INTS3: variants seen among roughly 807,000 people sequenced by gnomAD.
INTS3 encodes the protein integrator complex subunit 3, also known as SOSS complex subunit A.
In INTS3, 34 loss-of-function variants were observed where a neutral mutation model predicts 146.3. That is an observed-to-expected ratio of 0.23 (90% CI 0.18 to 0.31). The LOEUF is 0.31. INTS3 is among the 10% of genes least tolerant of loss of function. The pLI is 1.00. For missense variants in INTS3, 757 were observed against 1,304.2 expected, an observed-to-expected ratio of 0.58 and a Z score of 6.46; for synonymous variants, 475 against 494.9, an observed-to-expected ratio of 0.96 and a Z score of 0.53.
intron 9 of INTS3, among the ~76,000 whole-genome samples, chr1:153,756,501 A>G (rs1009735673): frequency 5.9e-5 from 9 of 151,440 alleles, no homozygotes; most frequent in Middle Eastern, 3.5e-3. Context: ...CCTCCCATCA[A>G]TGAGACCCTG....
At chr1:153,728,859 G>C in intron 1 of INTS3, 75 bp downstream of exon 1, 1 of 463,066 alleles carries the variant, frequency 2.2e-6, no homozygotes, top group South Asian at 2.3e-5. Context: ...CGGGTGGGAG[G>C]ACGGGGGGTG....
In INTS3 at chr1:153,754,745, C is replaced by T. The variant is rs1672097393; in HGVS notation, c.957+6C>T. ...TCCTCTTCATGACATCCCGGGTAAG[C>T]TAAGGTGTTGCAGCAAGAGAAGAGG... On this transcript the variant is annotated splice_donor_region_variant and intron_variant, in intron 9 of 29. Transcript: ENST00000318967. The T allele has an allele frequency of 1.3e-6, 2 of 1,580,326 alleles. No homozygotes were observed. Among genetic ancestry groups the T allele is most frequent in the Non-Finnish European group, 1.7e-6 (2 of 1,149,254 alleles).
rs4509612 is a variant in INTS3, at chr1:153,743,759, C to T, written c.318+2391C>T. 7.3e-3 allele frequency among the ~76,000 whole-genome samples: 1,114 copies of T among 152,254 alleles called. 10 individuals are homozygous for T. The highest frequency in any genetic ancestry group is 0.017 in the Middle Eastern group (5 of 294). ...AGGGAGGCTAAGGTAGAGTCCTAAG[C>T]TGTGCAGGTGCTGGCAGTCAATAGA... is the stretch of plus-strand genomic sequence containing the variant. On this transcript the variant is annotated intron_variant, in intron 3 of 29. Transcript: ENST00000318967.
chr1:153,737,991 G>C (rs769345962), intron 1 of INTS3, among the ~76,000 whole-genome samples: 1 of 152,058 alleles, frequency 6.6e-6, no homozygotes, highest in Non-Finnish European at 1.5e-5. Context: ...TCTTCTTTCA[G>C]CTACCTCTGT....
chr1:153,766,861 T>G (rs1450404125), intron 20 of INTS3: 1 of 151,202 alleles, frequency 6.6e-6, no homozygotes, highest in African/African-American at 2.4e-5. Context: ...GGCTAACTTT[T>G]TGTGTGTGTA....
intron 1 of INTS3, among the ~76,000 whole-genome samples, chr1:153,738,790 T>G (rs532908983): frequency 3.9e-5 from 6 of 152,362 alleles, no homozygotes; most frequent in African/African-American, 1.4e-4. Context: ...TAGTTGGCAT[T>G]GTACTGTAAG....
At chr1:153,756,072 GA>G (rs768109918) in intron 9 of INTS3, among the ~76,000 whole-genome samples, 11 of 150,528 alleles carry the variant, frequency 7.3e-5, no homozygotes, top group Non-Finnish European at 1.3e-4. Context: ...TAGTTAAAAT[GA>G]GTTAAAATTA....
At chr1:153,765,897 G>A (rs1294993443) in intron 20 of INTS3, among the ~76,000 whole-genome samples, 1 of 152,060 alleles carries the variant, frequency 6.6e-6, no homozygotes, top group African/African-American at 2.4e-5. Context: ...TATTCACAAA[G>A]TTATACAACT....
At position 153,773,636 on chromosome 1, in the gene INTS3, A is replaced by C; in HGVS notation, c.*366A>C. 6.0e-6 allele frequency: 2 copies of C among 331,812 alleles called. No homozygotes were observed. Among genetic ancestry groups the C allele is most frequent in the Non-Finnish European group, 5.9e-6 (1 of 168,886 alleles). The allele number at this position is 331,812 out of a possible 1,614,324, so 20.6% of individuals were successfully genotyped here. On this transcript the variant is annotated 3_prime_UTR_variant, in exon 30 of 30. Coordinates refer to ENST00000318967, the MANE Select transcript of INTS3 (RefSeq NM_023015.5). ...ATTTCAACAGAGAAGGGAAATGACA[A>C]AGGGGCAGCTGGCCAGATAAGCTAG... is the stretch of plus-strand genomic sequence containing the variant.
intron 6 of INTS3, 167 bp from the exon 7 acceptor site, chr1:153,750,928 C>A: frequency 1.7e-6 from 1 of 594,860 alleles, no homozygotes; most frequent in Non-Finnish European, 2.9e-6. Flanking sequence ...GTTGATAGTC[C>A]AAGATAGATA....
chr1:153,764,279 C>A, intron 18 of INTS3, 58 bp downstream of exon 18: 1 of 1,220,284 alleles, frequency 8.2e-7, no homozygotes, highest in Non-Finnish European at 1.2e-6. Flanking sequence ...CTCTTACAGC[C>A]TGAGTCCAAG....
At chr1:153,760,511 G>A (rs1570871750) in intron 12 of INTS3, 121 bp downstream of exon 12, 1 of 791,786 alleles carries the variant, frequency 1.3e-6, no homozygotes, top group East Asian at 2.6e-5. Flanking sequence ...AAATGGTCAT[G>A]GGTCCTATCC....
intron 1 of INTS3, among the ~76,000 whole-genome samples, 194 bp downstream of exon 1, chr1:153,728,978 T>A (rs542810175): frequency 2.0e-5 from 3 of 152,060 alleles, no homozygotes; most frequent in African/African-American, 7.2e-5. Flanking sequence ...CAGGTTGTCA[T>A]AGTAACAGCA....
intron 1 of INTS3, among the ~76,000 whole-genome samples, chr1:153,730,870 G>T (rs1467171781): frequency 6.6e-6 from 1 of 152,084 alleles, no homozygotes; most frequent in Admixed American, 6.5e-5. Flanking sequence ...TGTGTGGTTC[G>T]GTTATCCCCA....
At chr1:153,749,786 A>G (rs1490280572) in intron 6 of INTS3, among the ~76,000 whole-genome samples, 1 of 152,204 alleles carries the variant, frequency 6.6e-6, no homozygotes, top group Non-Finnish European at 1.5e-5. Context: ...GGATTCAGGT[A>G]ATTTCGTTAC....
At chr1:153,770,058 GGTGTGTGT>G (rs55766761) in intron 23 of INTS3, 132 bp from the exon 24 acceptor site, 6,243 of 441,028 alleles carry the variant, frequency 0.014, 11 homozygotes, top group Non-Finnish European at 0.016. Flanking sequence ...AGTGGATTGG[GGTGTGTGT>G]GTGTGTGTGT....
rs767904863 is a variant in INTS3 at position 153,767,848 on chromosome 1, C to G, written c.2244+21C>G. 20 of 1,588,706 alleles carry G rather than the reference C, an allele frequency of 1.3e-5. No homozygotes were observed. The East Asian group carries it at 3.6e-4, about 29-fold the overall frequency. On this transcript the variant is annotated intron_variant, in intron 21 of 29. Transcript: ENST00000318967. ...CAGAGGTCAGTGCCTGCATCCGTAT[C>G]TGTGCCGGGGGGCTCACAGGAACAC...
rs1004143072 is a variant in INTS3, at chr1:153,764,310, G to A, written c.1925+89G>A. ...CCAAGAGACCCCTTACTGTAGACTT[G>A]AGAAAAATCTGTTCACTTGGTGTTT... On this transcript the variant is annotated intron_variant, in intron 18 of 29. Coordinates refer to ENST00000318967, the MANE Select transcript of INTS3 (RefSeq NM_023015.5). The A allele has an allele frequency of 1.1e-5, 9 of 844,162 alleles. No individual in the cohort carries two copies. In the African/African-American group the frequency reaches 1.4e-4, roughly 13 times the overall value. The allele number at this position is 844,162 out of a possible 1,614,324, so 52.3% of individuals were successfully genotyped here.
intron 1 of INTS3, among the ~76,000 whole-genome samples, chr1:153,731,901 C>CT (rs34353204): frequency 0.42 from 27,285 of 65,390 alleles, 7,868 homozygotes; most frequent in East Asian, 0.6. Flanking sequence ...CTTTTTTTAA[C>CT]TTTTTTTTTT....
Sources: allele counts gnomAD v4.1 joint callset (sites outside exome capture counted in the v4.1 genomes callset), GRCh38; gene constraint gnomAD v4.1.1; transcripts MANE v1.5; gene names NCBI Gene and HGNC (gene_info 2026-07-23, HGNC 2026-07-21).